NOX4: variants seen among roughly 807,000 people sequenced by gnomAD.
The protein encoded by NOX4 is kidney oxidase-1.
A neutral mutation model predicts 87.6 loss-of-function variants in NOX4; 69 were observed. That is an observed-to-expected ratio of 0.79 (90% confidence interval 0.65 to 0.96). The LOEUF (loss-of-function observed/expected upper bound fraction) is 0.96. NOX4 is among the 40% of genes least tolerant of loss of function. NOX4 has a pLI of 0.00. For missense variants in NOX4, 680 were observed against 681.5 expected, an observed-to-expected ratio of 1.00 and a Z score of 0.02; for synonymous variants, 275 against 238.2, an observed-to-expected ratio of 1.15 and a Z score of -1.42.
chr11:89,524,957 T>C, the NOX4 span, among the ~76,000 whole-genome samples: 4 of 152,162 alleles, frequency 2.6e-5, no homozygotes, highest in South Asian at 6.2e-4. Flanking sequence ...TCATATTTTA[T>C]GTGTATAGCT....
At chr11:89,557,484 C>T in the NOX4 span, among the ~76,000 whole-genome samples, 1 of 152,270 alleles carries the variant, frequency 6.6e-6, no homozygotes, top group African/African-American at 2.4e-5. Flanking sequence ...TGGCACACTG[C>T]TGAGTAGTAA....
intron 7 of NOX4, among the ~76,000 whole-genome samples, chr11:89,429,093 C>G (rs1943623309): frequency 6.6e-6 from 1 of 152,190 alleles, no homozygotes; most frequent in Non-Finnish European, 1.5e-5. Context: ...ACTGAACAAC[C>G]TGCTCCTGAA....
At chr11:89,433,337 C>G (rs1384185799) in intron 6 of NOX4, among the ~76,000 whole-genome samples, 1 of 151,966 alleles carries the variant, frequency 6.6e-6, no homozygotes, top group East Asian at 1.9e-4. Context: ...ACAGAATATT[C>G]CATTTTTTTT....
chr11:89,341,646 C>T (rs1439670499), intron 14 of NOX4, among the ~76,000 whole-genome samples: 3 of 152,054 alleles, frequency 2.0e-5, no homozygotes, highest in Non-Finnish European at 2.9e-5. Flanking sequence ...TTTTTACTTG[C>T]CCCATTTGAA....
At chr11:89,429,729 A>G (rs1162514240) in intron 7 of NOX4, among the ~76,000 whole-genome samples, 25 of 149,714 alleles carry the variant, frequency 1.7e-4, no homozygotes, top group Admixed American at 1.6e-3. Context: ...TAGCCTACCA[A>G]CCAAAAAAGG....
the NOX4 span, among the ~76,000 whole-genome samples, chr11:89,553,988 C>G: frequency 6.6e-6 from 1 of 151,302 alleles, no homozygotes; most frequent in Non-Finnish European, 1.5e-5. Flanking sequence ...GTACTAACTC[C>G]TTTGATGTTT....
At chr11:89,408,809 T>C (rs1942322362) in intron 8 of NOX4, among the ~76,000 whole-genome samples, 1 of 152,210 alleles carries the variant, frequency 6.6e-6, no homozygotes, top group South Asian at 2.1e-4. Context: ...TTTACTGCTC[T>C]GTTGTCATTA....
chr11:89,466,151 T>C (rs977558034), intron 2 of NOX4, among the ~76,000 whole-genome samples: 2 of 152,168 alleles, frequency 1.3e-5, no homozygotes, highest in African/African-American at 4.8e-5. Flanking sequence ...CAGAAAAATG[T>C]TTGTTGTTTA....
At chr11:89,401,494 T>A (rs1264086221) in intron 9 of NOX4, among the ~76,000 whole-genome samples, 1 of 152,126 alleles carries the variant, frequency 6.6e-6, no homozygotes, top group Non-Finnish European at 1.5e-5. Context: ...TCATTCTAGC[T>A]TTTGACTTCT....
At chr11:89,418,262 G>A (rs11018610) in intron 8 of NOX4, among the ~76,000 whole-genome samples, 50,714 of 150,868 alleles carry the variant, frequency 0.34, 8,849 homozygotes, top group East Asian at 0.53. Flanking sequence ...TTTTAAAAGG[G>A]ATACAGAGAA....
At chr11:89,351,898 T>A (rs537767593) in intron 13 of NOX4, among the ~76,000 whole-genome samples, 1 of 152,310 alleles carries the variant, frequency 6.6e-6, no homozygotes, top group African/African-American at 2.4e-5. Flanking sequence ...AAATACTGCA[T>A]ATACACATAA....
chr11:89,340,418 G>A (rs1314286112), intron 14 of NOX4, among the ~76,000 whole-genome samples: 1 of 151,962 alleles, frequency 6.6e-6, no homozygotes, highest in African/African-American at 2.4e-5. Context: ...AGTGTTAAAT[G>A]TTAAATGAAT....
chr11:89,422,681 C>T (rs1228858141), intron 7 of NOX4, among the ~76,000 whole-genome samples: 2 of 151,982 alleles, frequency 1.3e-5, no homozygotes, highest in Non-Finnish European at 2.9e-5. Flanking sequence ...CCCATAGACT[C>T]TTAGAGAAAC....
At chr11:89,474,110 G>A (rs1379530613) in intron 2 of NOX4, among the ~76,000 whole-genome samples, 3 of 151,940 alleles carry the variant, frequency 2.0e-5, no homozygotes, top group Non-Finnish European at 4.4e-5. Flanking sequence ...AATTAATTGC[G>A]GTTTTTACTT....
chr11:89,388,271 C>T (rs1286714700), intron 11 of NOX4, among the ~76,000 whole-genome samples: 3 of 152,138 alleles, frequency 2.0e-5, no homozygotes, highest in African/African-American at 7.2e-5. Context: ...CCAGGATCAA[C>T]ACACTCATTC....
the NOX4 span, among the ~76,000 whole-genome samples, chr11:89,563,895 T>C: frequency 2.0e-5 from 3 of 152,138 alleles, no homozygotes; most frequent in African/African-American, 7.2e-5. Flanking sequence ...ACTTGCAAAT[T>C]TGTAAGTTCA....
At chr11:89,484,576 T>C (rs1025208045) in intron 2 of NOX4, among the ~76,000 whole-genome samples, 1 of 152,080 alleles carries the variant, frequency 6.6e-6, no homozygotes, top group African/African-American at 2.4e-5. Context: ...ATAGACTAAA[T>C]AGTGACCAAG....
At chr11:89,440,811 G>C in intron 5 of NOX4, 96 bp from the exon 6 acceptor site, 1 of 627,818 alleles carries the variant, frequency 1.6e-6, no homozygotes, top group Non-Finnish European at 2.7e-6. Context: ...CCACATACTT[G>C]TCATGTAAAA....
chr11:89,368,493 T>C (rs998703831), intron 12 of NOX4, among the ~76,000 whole-genome samples: 1 of 152,086 alleles, frequency 6.6e-6, no homozygotes, highest in Non-Finnish European at 1.5e-5. Context: ...GCTGGTGCCT[T>C]ACTGCTGTGT....
Sources: gnomAD v4.1 joint callset for allele counts (sites outside exome capture counted in the v4.1 genomes callset) on GRCh38, gnomAD v4.1.1 for gene constraint, MANE v1.5 for transcripts, NCBI Gene and HGNC (gene_info 2026-07-23, HGNC 2026-07-21) for gene names.